Variants in SPTBN4 observed in about 807,000 individuals in gnomAD.
SPTBN4 encodes spectrin beta chain, non-erythrocytic 4.
A neutral mutation model predicts 277.8 loss-of-function variants in SPTBN4; 96 were observed. That is an observed-to-expected ratio of 0.35 (90% CI 0.29 to 0.41). SPTBN4 has a LOEUF of 0.41. Among genes scored for constraint, SPTBN4 ranks in the 10% least tolerant of loss-of-function variants. The probability of loss-of-function intolerance (pLI) is 1.00; values close to 1 mark genes in which losing one functional copy is unlikely to be tolerated. For synonymous variants in SPTBN4, 1,481 were observed against 1,580.3 expected (o/e 0.94, Z 1.49); for missense variants, 3,006 against 3,595.7 (o/e 0.84, Z 4.19).
chr19:40,543,402 C>A (rs1331544947), intron 20 of SPTBN4, among the ~76,000 whole-genome samples: 1 of 152,020 alleles, frequency 6.6e-6, no homozygotes, highest in Non-Finnish European at 1.5e-5. Context: ...CCACTTGGGT[C>A]ATGTGATTAC....
intron 2 of SPTBN4, among the ~76,000 whole-genome samples, chr19:40,485,584 T>C (rs1308859960): frequency 2.0e-5 from 3 of 152,072 alleles, no homozygotes; most frequent in East Asian, 1.9e-4. Flanking sequence ...CGTGGGAGGA[T>C]TGCTTGAGCA....
Position 40,487,810 on chromosome 19 carries a change from C to G in SPTBN4, c.283C>G (p.Leu95Val), listed in dbSNP as rs1372386809. The G allele has an allele frequency of 6.2e-7, 1 of 1,610,800 alleles. No homozygotes were observed. The highest frequency in any genetic ancestry group is 8.5e-7 in the Non-Finnish European group (1 of 1,178,614). The change falls in exon 3 of 36, where the codon CTC (leucine) becomes GTC (valine). Residue 95 changes from leucine to valine, a missense_variant. By Grantham distance (32) the Leu-to-Val change is conservative. Coordinates refer to ENST00000598249, the MANE Select transcript of SPTBN4 (RefSeq NM_020971.3). Reference sequence around the variant, plus strand: ...TGTGGACCTCCGGGACGGCTTCGTGCTCACGCGGCTCCTGGAAGTGCTGTC... The same window carrying G: ...TGTGGACCTCCGGGACGGCTTCGTGGTCACGCGGCTCCTGGAAGTGCTGTC... The part of the protein sequence containing the change: ...LYVDLRDGFV[L>V]TRLLEVLSGE...
At chr19:40,498,484 C>T (rs1345708035) in intron 7 of SPTBN4, among the ~76,000 whole-genome samples, 1 of 151,556 alleles carries the variant, frequency 6.6e-6, no homozygotes, top group Non-Finnish European at 1.5e-5. Flanking sequence ...CGGCTCACTG[C>T]AAGCTCCACC....
In SPTBN4 at chr19:40,557,212, G is replaced by A. The variant is rs2080990753; in HGVS notation, c.5479G>A (p.Ala1827Thr). 1 of 1,611,098 alleles carries A rather than the reference G, an allele frequency of 6.2e-7. No homozygotes were observed. The highest frequency in any genetic ancestry group is 2.2e-5 in the East Asian group (1 of 44,816). The change falls in exon 26 of 36, where the codon GCC becomes ACC. Residue 1827 changes from alanine to threonine, a missense_variant. Ala to Thr is a moderately conservative substitution (Grantham distance 58). Transcript: ENST00000598249. ...GCTGCTGGAGCTCATGGGCACACGG[G>A]CCCAGCTGCTGGCCGCCTCTCGGGA... ...AELLELMGTR[A>T]QLLAASRELH...
chr19:40,528,543 C>A (rs2080622003), intron 17 of SPTBN4, among the ~76,000 whole-genome samples: 1 of 152,160 alleles, frequency 6.6e-6, no homozygotes, highest in Non-Finnish European at 1.5e-5. Context: ...TCTGGGCTGT[C>A]CCTGACCGGA....
At chr19:40,529,912 C>G (rs752993877) in intron 18 of SPTBN4, among the ~76,000 whole-genome samples, 1 of 152,232 alleles carries the variant, frequency 6.6e-6, no homozygotes, top group East Asian at 1.9e-4. Flanking sequence ...ACCCCTCAGC[C>G]TCAATTAAAG....
chr19:40,572,290 G>C (rs2145962551), intron 34 of SPTBN4, 48 bp from the exon 35 acceptor site: 1 of 1,611,624 alleles, frequency 6.2e-7, no homozygotes, highest in Non-Finnish European at 8.5e-7. Context: ...GGGCAGGTGG[G>C]CTGGGCCCCT....
At chr19:40,505,130 G>A (rs1025081397) in intron 12 of SPTBN4, among the ~76,000 whole-genome samples, 13 of 148,394 alleles carry the variant, frequency 8.8e-5, no homozygotes, top group East Asian at 2.0e-4. Context: ...CTCACCTGCG[G>A]TACCAGCACT....
At chr19:40,505,513 G>A (rs1039541680) in intron 12 of SPTBN4, among the ~76,000 whole-genome samples, 1 of 151,864 alleles carries the variant, frequency 6.6e-6, no homozygotes, top group Non-Finnish European at 1.5e-5. Context: ...CCAACATGGC[G>A]AAACCCCATC....
intron 16 of SPTBN4, among the ~76,000 whole-genome samples, chr19:40,522,648 G>A (rs987332208): frequency 2.0e-5 from 3 of 151,740 alleles, no homozygotes. Context: ...CACCATGTCC[G>A]GCCTAATATT....
intron 24 of SPTBN4, among the ~76,000 whole-genome samples, chr19:40,555,567 T>G (rs1296364315): frequency 6.6e-6 from 1 of 151,434 alleles, no homozygotes; most frequent in Non-Finnish European, 1.5e-5. Context: ...GCTTATCCAT[T>G]TAGGGAAGCG....
At chr19:40,548,598 C>T (rs945646053) in intron 20 of SPTBN4, among the ~76,000 whole-genome samples, 2 of 151,906 alleles carry the variant, frequency 1.3e-5, no homozygotes, top group Non-Finnish European at 2.9e-5. Flanking sequence ...GCCTGTAATC[C>T]CAGCTACTCA....
chr19:40,559,735 A>AT, intron 26 of SPTBN4, among the ~76,000 whole-genome samples: 1 of 152,322 alleles, frequency 6.6e-6, no homozygotes, highest in South Asian at 2.1e-4. Context: ...CAGGGGAGTA[A>AT]TGGCAATTGA....
At chr19:40,572,953 TC>T (rs1477437112) in intron 35 of SPTBN4, among the ~76,000 whole-genome samples, 1 of 151,832 alleles carries the variant, frequency 6.6e-6, no homozygotes, top group Admixed American at 6.6e-5. Flanking sequence ...CAGCGAGACT[TC>T]CTTCGAAAAT....
At chr19:40,531,590 G>A (rs2080675210) in intron 18 of SPTBN4, among the ~76,000 whole-genome samples, 1 of 148,074 alleles carries the variant, frequency 6.8e-6, no homozygotes, top group Middle Eastern at 3.5e-3. Context: ...GGTCATGAGT[G>A]GGGAAGTTCT....
chr19:40,515,110 A>G lies in SPTBN4; in HGVS notation c.2766-201A>G, dbSNP rs1202252460. Among the ~76,000 whole-genome samples, 1 of 152,144 alleles carries G rather than the reference A, an allele frequency of 6.6e-6. No homozygotes were observed. Among genetic ancestry groups the G allele is most frequent in the Non-Finnish European group, 1.5e-5 (1 of 68,032 alleles). The stretch of plus-strand genomic sequence containing the variant: ...ACAGAGCGAGACTCTGTCTCAATAC[A>G]TACATACATAAATTAATTAAATTAA... On this transcript the variant is annotated intron_variant, in intron 14 of 35. Coordinates refer to ENST00000598249, the MANE Select transcript of SPTBN4 (RefSeq NM_020971.3). The surrounding 1 kb of genome is among the most constrained non-coding windows in gnomAD (Gnocchi z 4.1).
chr19:40,477,546 G>C (rs558598695), intron 2 of SPTBN4, among the ~76,000 whole-genome samples: 1 of 152,252 alleles, frequency 6.6e-6, no homozygotes, highest in African/African-American at 2.4e-5. Flanking sequence ...CAGAGAGGTT[G>C]GGGCTGTTGA....
chr19:40,516,018 T>C (rs1329154151), intron 15 of SPTBN4, among the ~76,000 whole-genome samples: 1 of 146,240 alleles, frequency 6.8e-6, no homozygotes, highest in Admixed American at 6.9e-5. Flanking sequence ...TATACACACA[T>C]ATACGTATAT....
Position 40,570,547 on chromosome 19 carries a change from C to T in SPTBN4, c.7138C>T (p.Pro2380Ser). Residue 2380 changes from proline to serine, a missense_variant, in exon 33 of 36, where the codon CCG becomes TCG. Physicochemically the swap from Pro to Ser is moderately conservative, Grantham distance 74. Transcript: ENST00000598249. Reference sequence around the variant, plus strand: ...GCCCCGGGCGCGGGACCGGCCCAAGCCGCGACGGCGGCCGCGGCCCAGAGA... The same window carrying T: ...GCCCCGGGCGCGGGACCGGCCCAAGTCGCGACGGCGGCCGCGGCCCAGAGA... The part of the protein sequence containing the change: ...DRPRARDRPK[P>S]RRRPRPREGG... The T allele has an allele frequency of 1.5e-6, 2 of 1,362,418 alleles. No individual in the cohort carries two copies. Among genetic ancestry groups the T allele is most frequent in the Non-Finnish European group, 1.9e-6 (2 of 1,062,414 alleles). The allele number at this position is 1,362,418 out of a possible 1,614,324, so 84.4% of individuals were successfully genotyped here. A position where few individuals can be genotyped will look rare whatever the true frequency, so the allele number is the denominator to read the frequency against.
Sources: gnomAD v4.1 joint callset for allele counts (sites outside exome capture counted in the v4.1 genomes callset) on GRCh38, gnomAD v4.1.1 for gene constraint, Gnocchi (gnomAD v3.1) non-coding constraint, MANE v1.5 for transcripts, NCBI Gene and HGNC (gene_info 2026-07-23, HGNC 2026-07-21) for gene names.